Variants in VPS13B observed in about 807,000 individuals in gnomAD.
VPS13B encodes vacuolar protein sorting 13 homolog B.
A neutral mutation model predicts 426.4 loss-of-function variants in VPS13B; 285 were observed. The observed-to-expected ratio is 0.67, with a 90% CI of 0.61 to 0.74. The LOEUF (loss-of-function observed/expected upper bound fraction) is 0.74. Ranked by LOEUF, VPS13B falls within the 30% of genes least tolerant of loss-of-function variation. The pLI, the probability that VPS13B is intolerant of heterozygous loss-of-function variation, is 0.00. For synonymous variants in VPS13B, 1,676 were observed against 1,676.4 expected, an observed-to-expected ratio of 1.00 and a Z score of 0.01; for missense variants, 4,537 against 4,782.6, an observed-to-expected ratio of 0.95 and a Z score of 1.51.
chr8:99,432,788 G>A (rs1198735703), intron 22 of VPS13B, among the ~76,000 whole-genome samples: 1 of 152,106 alleles, frequency 6.6e-6, no homozygotes, highest in Non-Finnish European at 1.5e-5. Flanking sequence ...GTATCCACAA[G>A]TTGGAGATTA....
chr8:99,589,479 G>A (rs1181452718), intron 33 of VPS13B, among the ~76,000 whole-genome samples: 2 of 151,612 alleles, frequency 1.3e-5, no homozygotes, highest in African/African-American at 4.9e-5. Context: ...CCTTGCGATA[G>A]TTTTCTGAGA....
At chr8:99,870,762 C>T (rs1392892280) in intron 59 of VPS13B, 23 bp from the exon 60 acceptor site, 1 of 1,608,950 alleles carries the variant, frequency 6.2e-7, no homozygotes, top group Admixed American at 1.7e-5. Context: ...AGTAGTAAAA[C>T]TCCCTTACTT....
intron 30 of VPS13B, among the ~76,000 whole-genome samples, chr8:99,542,264 C>A (rs897462999): frequency 6.6e-6 from 1 of 152,090 alleles, no homozygotes; most frequent in Non-Finnish European, 1.5e-5. Flanking sequence ...CACATCATTG[C>A]TCTTTAGAAT....
intron 25 of VPS13B, among the ~76,000 whole-genome samples, chr8:99,484,949 T>C (rs1265981928): frequency 1.3e-5 from 2 of 152,114 alleles, no homozygotes; most frequent in African/African-American, 4.8e-5. Context: ...ATTTTTGCAT[T>C]AGGCCTTGAG....
chr8:99,369,759 G>A (rs761116352), intron 19 of VPS13B, among the ~76,000 whole-genome samples: 45 of 152,118 alleles, frequency 3.0e-4, no homozygotes, highest in Non-Finnish European at 6.2e-4. Context: ...CAAATATGAG[G>A]AGTTTCATCT....
chr8:99,138,538 G>A (rs1810208919), intron 12 of VPS13B, among the ~76,000 whole-genome samples: 1 of 152,178 alleles, frequency 6.6e-6, no homozygotes, highest in Admixed American at 6.5e-5. Context: ...CCTGACATTG[G>A]TTTGTTTAAA....
chr8:99,169,438 G>T (rs1444695050), intron 15 of VPS13B, among the ~76,000 whole-genome samples: 4 of 151,930 alleles, frequency 2.6e-5, no homozygotes, highest in African/African-American at 9.7e-5. Flanking sequence ...TTTAAGCATA[G>T]ACATGCTTGT....
Position 99,156,150 on chromosome 8 carries a change from T to C in VPS13B, c.2014-399T>C, listed in dbSNP as rs183431876. On this transcript the variant is annotated intron_variant, in intron 14 of 61. Transcript: ENST00000357162. The stretch of plus-strand genomic sequence containing the variant: ...GTGTGGTGTAGTCCATTTAGTTCTT[T>C]AGTCAGCTAAATGTGAATAAAAGAG... 2.9e-3 allele frequency among the ~76,000 whole-genome samples: 435 copies of C among 152,302 alleles called. 2 individuals are homozygous for C. The highest frequency in any genetic ancestry group is 0.014 in the Middle Eastern group (4 of 294).
chr8:99,347,540 G>T (rs1811607092), intron 19 of VPS13B: 1 of 152,250 alleles, frequency 6.6e-6, no homozygotes, highest in Non-Finnish European at 1.5e-5. Context: ...TCAGGCCAAT[G>T]TATGAGATGG....
At chr8:99,151,576 C>G (rs1811083001) in intron 14 of VPS13B, among the ~76,000 whole-genome samples, 1 of 151,846 alleles carries the variant, frequency 6.6e-6, no homozygotes, top group African/African-American at 2.4e-5. Flanking sequence ...TTTTGTTGCC[C>G]AGGCTGGAGT....
intron 2 of VPS13B, among the ~76,000 whole-genome samples, chr8:99,027,473 A>G (rs565494431): frequency 6.6e-6 from 1 of 151,786 alleles, no homozygotes; most frequent in African/African-American, 2.4e-5. Context: ...TGTTTTCATG[A>G]TGGTAGTTAT....
chr8:99,366,788 G>T (rs778620470), intron 19 of VPS13B, among the ~76,000 whole-genome samples: 1 of 151,592 alleles, frequency 6.6e-6, no homozygotes, highest in Non-Finnish European at 1.5e-5. Flanking sequence ...TTACTATGAG[G>T]CATGCAAGTA....
At chr8:99,571,963 C>T (rs1825498942) in intron 31 of VPS13B, among the ~76,000 whole-genome samples, 1 of 152,050 alleles carries the variant, frequency 6.6e-6, no homozygotes, top group Admixed American at 6.6e-5. Flanking sequence ...TAACAAAAGA[C>T]CAGAGTATTC....
At chr8:99,327,957 G>A (rs1441372565) in intron 19 of VPS13B, among the ~76,000 whole-genome samples, 1 of 152,180 alleles carries the variant, frequency 6.6e-6, no homozygotes, top group East Asian at 1.9e-4. Flanking sequence ...TAGAGAAGCA[G>A]AACCACTAGG....
At chr8:99,344,278 TATCTC>T (rs1189785966) in intron 19 of VPS13B, among the ~76,000 whole-genome samples, 5 of 152,194 alleles carry the variant, frequency 3.3e-5, no homozygotes, top group Non-Finnish European at 5.9e-5. Flanking sequence ...ATTGGATCCT[TATCTC>T]AAACCATATA....
chr8:99,644,411 C>G (rs1426344613), intron 34 of VPS13B, among the ~76,000 whole-genome samples: 1 of 152,086 alleles, frequency 6.6e-6, no homozygotes, highest in African/African-American at 2.4e-5. Context: ...TATAAGAGCT[C>G]ATACCAAAGA....
At chr8:99,272,859 G>T (rs1483293793) in intron 17 of VPS13B, among the ~76,000 whole-genome samples, 1 of 152,142 alleles carries the variant, frequency 6.6e-6, no homozygotes, top group Non-Finnish European at 1.5e-5. Flanking sequence ...GCTACAGGTT[G>T]AGTGACCCCC....
chr8:99,802,502 G>A (rs1013392584), intron 43 of VPS13B, among the ~76,000 whole-genome samples: 3 of 151,956 alleles, frequency 2.0e-5, no homozygotes, highest in African/African-American at 7.3e-5. Context: ...AGACATAGTT[G>A]TAATACAAAA....
At chr8:99,033,254 A>G (rs1367681597) in intron 2 of VPS13B, among the ~76,000 whole-genome samples, 3 of 152,154 alleles carry the variant, frequency 2.0e-5, no homozygotes, top group Non-Finnish European at 4.4e-5. Context: ...GTATATTTTA[A>G]TTTGCTTGCA....
Sources: allele counts gnomAD v4.1 joint callset (sites outside exome capture counted in the v4.1 genomes callset), GRCh38; gene constraint gnomAD v4.1.1; transcripts MANE v1.5; gene names NCBI Gene and HGNC (gene_info 2026-07-23, HGNC 2026-07-21).